CNTN4: variants seen among roughly 807,000 people sequenced by gnomAD.
CNTN4 encodes the protein contactin 4.
A neutral mutation model predicts 122.5 loss-of-function variants in CNTN4; 77 were observed. The observed-to-expected ratio is 0.63, with a 90% CI of 0.52 to 0.76. The LOEUF (loss-of-function observed/expected upper bound fraction) is 0.76, where lower values mean the gene tolerates loss of function less well. CNTN4 is among the 30% of genes least tolerant of loss of function. The pLI is 0.00. For missense variants in CNTN4, 1,256 were observed against 1,259.1 expected, an observed-to-expected ratio of 1.00 and a Z score of 0.04; for synonymous variants, 512 against 447.0, an observed-to-expected ratio of 1.15 and a Z score of -1.83.
chr3:2,968,188 C>G (rs1378725578), intron 13 of CNTN4, among the ~76,000 whole-genome samples: 1 of 152,168 alleles, frequency 6.6e-6, no homozygotes, highest in Non-Finnish European at 1.5e-5. Flanking sequence ...TTTCTCCTCA[C>G]AAGAAAAATC....
At chr3:2,108,439 G>A (rs985893785) in intron 2 of CNTN4, among the ~76,000 whole-genome samples, 1 of 152,070 alleles carries the variant, frequency 6.6e-6, no homozygotes, top group Non-Finnish European at 1.5e-5. Flanking sequence ...CAGGATGCTG[G>A]ATATTCATTT....
intron 3 of CNTN4, among the ~76,000 whole-genome samples, chr3:2,363,157 T>A (rs539439386): frequency 1.8e-4 from 28 of 152,282 alleles, no homozygotes; most frequent in African/African-American, 6.3e-4. Context: ...CACCTCTCCA[T>A]TAGTAAGCCA....
At chr3:2,965,834 T>G (rs1374772379) in intron 13 of CNTN4, among the ~76,000 whole-genome samples, 4 of 152,178 alleles carry the variant, frequency 2.6e-5, no homozygotes, top group Non-Finnish European at 4.4e-5. Context: ...TGTCGTCCCC[T>G]GTATGTATCT....
intron 4 of CNTN4, among the ~76,000 whole-genome samples, chr3:2,727,877 T>G (rs544940995): frequency 6.6e-6 from 1 of 152,336 alleles, no homozygotes; most frequent in East Asian, 1.9e-4. Flanking sequence ...TTTGAGGGGT[T>G]AAAAGAAGGA....
intron 7 of CNTN4, among the ~76,000 whole-genome samples, chr3:2,848,031 G>A (rs1444873591): frequency 6.6e-6 from 1 of 152,146 alleles, no homozygotes; most frequent in Non-Finnish European, 1.5e-5. Flanking sequence ...GGCTGAGGCA[G>A]GAGGACTGCC....
At chr3:2,844,047 T>C (rs949115969) in intron 7 of CNTN4, among the ~76,000 whole-genome samples, 4 of 152,180 alleles carry the variant, frequency 2.6e-5, no homozygotes, top group Admixed American at 2.6e-4. Flanking sequence ...CTGTTCCATA[T>C]ACTGTTTCTC....
intron 4 of CNTN4, among the ~76,000 whole-genome samples, chr3:2,682,266 C>G (rs1263929438): frequency 1.6e-4 from 25 of 152,188 alleles, no homozygotes; most frequent in Non-Finnish European, 1.9e-4. Context: ...ATTTTGCCCT[C>G]AAGGCGGTTC....
chr3:2,748,025 C>T (rs979354874), intron 6 of CNTN4, among the ~76,000 whole-genome samples: 1 of 152,166 alleles, frequency 6.6e-6, no homozygotes, highest in Non-Finnish European at 1.5e-5. Context: ...ATTAATTAAT[C>T]CACAGCCATC....
At chr3:2,359,067 A>C (rs887196084) in intron 3 of CNTN4, among the ~76,000 whole-genome samples, 12 of 152,320 alleles carry the variant, frequency 7.9e-5, no homozygotes, top group African/African-American at 2.9e-4. Context: ...GCCTCATCCA[A>C]GTAAAACAAT....
At chr3:3,023,802 A>G (rs891006684) in intron 14 of CNTN4, among the ~76,000 whole-genome samples, 1 of 152,202 alleles carries the variant, frequency 6.6e-6, no homozygotes. Flanking sequence ...CTGCGTTTGA[A>G]TATCTTCAGT....
intron 6 of CNTN4, among the ~76,000 whole-genome samples, chr3:2,770,317 C>T (rs915191044): frequency 2.0e-5 from 3 of 152,148 alleles, no homozygotes; most frequent in Non-Finnish European, 4.4e-5. Context: ...CGTGAGCCAC[C>T]GTTTCCGGCC....
chr3:2,540,915 G>T (rs1474903741), intron 3 of CNTN4, among the ~76,000 whole-genome samples: 1 of 152,236 alleles, frequency 6.6e-6, no homozygotes, highest in East Asian at 1.9e-4. Context: ...GGAACCAATT[G>T]TACCTGTGAT....
chr3:2,348,458 C>G (rs1402781079), intron 3 of CNTN4, among the ~76,000 whole-genome samples: 1 of 152,164 alleles, frequency 6.6e-6, no homozygotes, highest in Admixed American at 6.5e-5. Flanking sequence ...AACCCTGGCT[C>G]ACCAGCCCTC....
chr3:2,776,038 C>A (rs1275525569), intron 6 of CNTN4, among the ~76,000 whole-genome samples: 7 of 152,142 alleles, frequency 4.6e-5, no homozygotes. Context: ...TTGCATGTGT[C>A]AACCTTAATA....
At chr3:2,838,269 G>C (rs1288075500) in intron 7 of CNTN4, among the ~76,000 whole-genome samples, 1 of 152,040 alleles carries the variant, frequency 6.6e-6, no homozygotes, top group Non-Finnish European at 1.5e-5. Flanking sequence ...GATAAAACTG[G>C]GTAAGACTAA....
At chr3:2,944,940 A>C (rs1189142210) in intron 13 of CNTN4, among the ~76,000 whole-genome samples, 1 of 152,206 alleles carries the variant, frequency 6.6e-6, no homozygotes, top group African/African-American at 2.4e-5. Context: ...ATAGCCCTTC[A>C]GAATGGTCTT....
At chr3:2,156,379 CAG>C (rs1204135028) in intron 2 of CNTN4, among the ~76,000 whole-genome samples, 7 of 152,140 alleles carry the variant, frequency 4.6e-5, no homozygotes, top group African/African-American at 1.7e-4. Context: ...CTGTATACAG[CAG>C]AGTTCATTGC....
intron 10 of CNTN4, among the ~76,000 whole-genome samples, chr3:2,889,454 A>T (rs1041562418): frequency 6.6e-6 from 1 of 152,214 alleles, no homozygotes; most frequent in African/African-American, 2.4e-5. Flanking sequence ...TGGGTTGTAA[A>T]GCAAAAGACA....
chr3:2,747,026 G>GGC (rs1334315550), intron 6 of CNTN4, among the ~76,000 whole-genome samples: 1 of 151,232 alleles, frequency 6.6e-6, no homozygotes, highest in Non-Finnish European at 1.5e-5. Flanking sequence ...TCATTATTTA[G>GGC]TAAATCTTGT....
Sources: allele counts gnomAD v4.1 joint callset (sites outside exome capture counted in the v4.1 genomes callset), GRCh38; gene constraint gnomAD v4.1.1; transcripts MANE v1.5; gene names NCBI Gene and HGNC (gene_info 2026-07-23, HGNC 2026-07-21).